The following RYR2 variants were observed in gnomAD, a reference collection of about 807,000 sequenced individuals.
The protein encoded by RYR2 is cardiac muscle ryanodine receptor-calcium release channel.
In RYR2, 227 loss-of-function variants were observed where a neutral mutation model predicts 601.1. That is an observed-to-expected ratio of 0.38 (90% CI 0.34 to 0.42). RYR2 has a LOEUF of 0.42. Among genes scored for constraint, RYR2 ranks in the 10% least tolerant of loss-of-function variants. The pLI is 1.00. For missense variants in RYR2, 4,646 were observed against 6,156.5 expected, an observed-to-expected ratio of 0.75 and a Z score of 8.21; for synonymous variants, 2,223 against 2,175.1, an observed-to-expected ratio of 1.02 and a Z score of -0.61.
chr1:237,795,916 G>GGATA (rs1659143295), intron 96 of RYR2, among the ~76,000 whole-genome samples: 9 of 81,738 alleles, frequency 1.1e-4, no homozygotes, highest in African/African-American at 2.8e-4. Context: ...ACACACATAT[G>GGATA]CACGCGTATG....
intron 3 of RYR2, among the ~76,000 whole-genome samples, chr1:237,344,222 A>G (rs76959365): frequency 0.065 from 9,903 of 152,210 alleles, 355 homozygotes; most frequent in African/African-American, 0.072. Context: ...GATTATTCTC[A>G]TGGCGTTTTG....
intron 91 of RYR2, 77 bp from the exon 92 acceptor site, chr1:237,787,911 C>T (rs1657851890): frequency 7.4e-7 from 1 of 1,357,772 alleles, no homozygotes; most frequent in Non-Finnish European, 1.0e-6. Context: ...TATTTGTTCA[C>T]TTGGGTAATT....
chr1:237,516,367 C>G (rs994044731), intron 24 of RYR2, among the ~76,000 whole-genome samples: 3 of 152,164 alleles, frequency 2.0e-5, no homozygotes, highest in Admixed American at 6.5e-5. Context: ...GATCCACCCG[C>G]CTCAGCCTCT....
chr1:237,446,330 A>G (rs954065359), intron 14 of RYR2, among the ~76,000 whole-genome samples: 3 of 152,106 alleles, frequency 2.0e-5, no homozygotes, highest in Non-Finnish European at 4.4e-5. Flanking sequence ...AACTTTGCTA[A>G]TTTGATGGGG....
intron 1 of RYR2, among the ~76,000 whole-genome samples, chr1:237,071,179 G>A (rs1270026271): frequency 6.6e-6 from 1 of 152,058 alleles, no homozygotes; most frequent in African/African-American, 2.4e-5. Context: ...CCGCAGGCAG[G>A]TCTTCCTGAC....
chr1:237,334,053 A>T (rs1225582481), intron 3 of RYR2, among the ~76,000 whole-genome samples: 1 of 152,172 alleles, frequency 6.6e-6, no homozygotes. Context: ...TCATGTCCAA[A>T]ATGTTATATG....
chr1:237,546,468 C>A lies in RYR2; in HGVS notation c.2907-1963C>A, dbSNP rs146674219. The stretch of plus-strand genomic sequence containing the variant: ...TCTCGGCTCACTGCAACCTCTGCCT[C>A]CCAGATTCAAGCGATTCTCATGCCT... On this transcript the variant is annotated intron_variant, in intron 25 of 104. Transcript: ENST00000366574. 3.7e-4 allele frequency among the ~76,000 whole-genome samples: 57 copies of A among 152,270 alleles called. No homozygotes were observed. In the East Asian group the frequency reaches 0.01, roughly 27 times the overall value.
chr1:237,184,681 G>A (rs532272112), intron 1 of RYR2, among the ~76,000 whole-genome samples: 1 of 152,214 alleles, frequency 6.6e-6, no homozygotes, highest in East Asian at 1.9e-4. Flanking sequence ...CTTATGAACG[G>A]TCTAGGAGGT....
At chr1:237,053,651 A>G (rs555090936) in intron 1 of RYR2, among the ~76,000 whole-genome samples, 3 of 152,220 alleles carry the variant, frequency 2.0e-5, no homozygotes, top group South Asian at 4.1e-4. Context: ...GCTACGTGCC[A>G]TGCTTCTTGC....
At chr1:237,646,461 C>T (rs1682168590) in intron 48 of RYR2, among the ~76,000 whole-genome samples, 1 of 152,126 alleles carries the variant, frequency 6.6e-6, no homozygotes, top group African/African-American at 2.4e-5. Context: ...CACTGCAGAG[C>T]TTCAACCACC....
chr1:237,096,458 A>G (rs1667515429), intron 1 of RYR2, among the ~76,000 whole-genome samples: 1 of 152,242 alleles, frequency 6.6e-6, no homozygotes, highest in Non-Finnish European at 1.5e-5. Flanking sequence ...TAGGTGGCGG[A>G]TAACAAGACT....
At chr1:237,707,344 A>C in intron 68 of RYR2, 75 bp downstream of exon 68, 1 of 724,742 alleles carries the variant, frequency 1.4e-6, no homozygotes, top group South Asian at 4.3e-5. Flanking sequence ...CATAAACTAG[A>C]ATTTTCCCAT....
intron 1 of RYR2, chr1:237,270,282 C>A: frequency 1.5e-6 from 1 of 689,634 alleles, no homozygotes; most frequent in Non-Finnish European, 2.6e-6. Flanking sequence ...CCGTAGCTCC[C>A]CTCTTTTCCC....
At position 237,614,498 on chromosome 1, in the gene RYR2, A is replaced by C; in HGVS notation, c.5370A>C (p.Lys1790Asn). 6.2e-7 allele frequency: 1 copy of C among 1,613,966 alleles called. No individual in the cohort carries two copies. Among genetic ancestry groups the C allele is most frequent in the Non-Finnish European group, 8.5e-7 (1 of 1,179,868 alleles). Residue 1790 changes from lysine (K) to asparagine (N), a missense_variant, in exon 37 of 105, where the codon AAA becomes AAC. Lys to Asn is a moderately conservative substitution (Grantham distance 94). Coordinates refer to ENST00000366574, the MANE Select transcript of RYR2 (RefSeq NM_001035.3). This position sits in a 1 kb window ranked among gnomAD's most constrained non-coding sequence, Gnocchi z 4.3. ...PEFPLDILKS[K>N]TIQMLTEAVK... ...TCCCACTGGACATCCTCAAGTCCAA[A>C]ACCATACAGATGCTGACAGAAGCTG...
chr1:237,597,802 C>T (rs2148487689), intron 34 of RYR2, among the ~76,000 whole-genome samples: 1 of 152,166 alleles, frequency 6.6e-6, no homozygotes, highest in African/African-American at 2.4e-5. Flanking sequence ...AAACAACCAA[C>T]AAAATATTAG....
intron 10 of RYR2, among the ~76,000 whole-genome samples, chr1:237,415,880 G>A (rs1704927638): frequency 6.6e-6 from 1 of 152,106 alleles, no homozygotes; most frequent in Non-Finnish European, 1.5e-5. Flanking sequence ...CATGTGGAGG[G>A]GTAAGTAGAG....
chr1:237,400,332 G>A (rs146249921), intron 10 of RYR2, among the ~76,000 whole-genome samples: 5 of 152,256 alleles, frequency 3.3e-5, no homozygotes, highest in South Asian at 2.1e-4. Context: ...CTTCTCCTCC[G>A]CATTCCATCC....
intron 2 of RYR2, among the ~76,000 whole-genome samples, chr1:237,324,679 G>T (rs1460163799): frequency 6.6e-6 from 1 of 152,120 alleles, no homozygotes; most frequent in African/African-American, 2.4e-5. Context: ...CCACTTCATA[G>T]GCAGGGAAGC....
chr1:237,576,550 G>A (rs891980049), intron 29 of RYR2, among the ~76,000 whole-genome samples: 4 of 151,876 alleles, frequency 2.6e-5, no homozygotes, highest in Admixed American at 6.6e-5. Context: ...AATATGAGAT[G>A]GTCACTTCTT....
Sources: gnomAD v4.1 joint callset for allele counts (sites outside exome capture counted in the v4.1 genomes callset) on GRCh38, gnomAD v4.1.1 for gene constraint, Gnocchi (gnomAD v3.1) non-coding constraint, MANE v1.5 for transcripts, NCBI Gene and HGNC (gene_info 2026-07-23, HGNC 2026-07-21) for gene names.